The following NIT1 variants were observed in gnomAD, a reference collection of about 807,000 sequenced individuals.
NIT1 encodes deaminated glutathione amidase.
In NIT1, 30 loss-of-function variants were observed where a neutral mutation model predicts 36.8. The observed-to-expected ratio is 0.82, with a 90% CI of 0.61 to 1.11. NIT1 has a LOEUF of 1.11. Ranked by LOEUF, NIT1 falls within the 50% of genes least tolerant of loss-of-function variation. The pLI, the probability that NIT1 is intolerant of heterozygous loss-of-function variation, is 0.00. For synonymous variants in NIT1, 151 were observed against 155.6 expected (o/e 0.97, Z 0.22); for missense variants, 438 against 410.6 (o/e 1.07, Z -0.58).
downstream of NIT1, chr1:161,123,874 T>A: frequency 6.2e-7 from 1 of 1,614,064 alleles, no homozygotes; most frequent in East Asian, 2.2e-5. Context: ...TGGTTCTGGA[T>A]CACTGAGGGC....
Position 161,118,878 on chromosome 1 carries a change from C to T in NIT1, c.95C>T (p.Pro32Leu), listed in dbSNP as rs147305024. Residue 32 changes from proline to leucine, a missense_variant, in exon 2 of 7, where the codon CCC (proline) becomes CTC (leucine). Coordinates refer to ENST00000368009, the MANE Select transcript of NIT1 (RefSeq NM_005600.3). ...CAACTCTCAGTACTTTGTGCTCAGC[C>T]CAGGTAACACGTTTTGTTGTGTCCT... is the stretch of plus-strand genomic sequence containing the variant. ...IPQLSVLCAQPRPRAMAISSS... is the reference protein window; with the variant it reads ...IPQLSVLCAQLRPRAMAISSS... 8.6e-5 allele frequency: 139 copies of T among 1,611,288 alleles called. No homozygotes were observed. The highest frequency in any genetic ancestry group is 1.1e-4 in the Non-Finnish European group (134 of 1,177,624).
Position 161,120,900 on chromosome 1 carries a change from C to T in NIT1, c.*135C>T. ...GAGAACCTTGACTCTCTTGATGGAA[C>T]ACAGATGGGCTGCTTGGGAAAGAAA... is the stretch of plus-strand genomic sequence containing the variant. On this transcript the variant is annotated 3_prime_UTR_variant, in exon 7 of 7. Transcript: ENST00000368009. 2 of 1,439,766 alleles carry T rather than the reference C, an allele frequency of 1.4e-6. No homozygotes were observed. Among genetic ancestry groups the T allele is most frequent in the South Asian group, 1.5e-5 (1 of 67,686 alleles). 89.2% of individuals were successfully genotyped at this position (1,439,766 alleles called of 1,614,324 possible). A position where few individuals can be genotyped will look rare whatever the true frequency, so the allele number is the denominator to read the frequency against.
At chr1:161,124,476 G>A (rs1313481031), downstream of NIT1, 10 of 1,590,386 alleles carry the variant, frequency 6.3e-6, no homozygotes, top group Non-Finnish European at 7.7e-6. Context: ...GGGGGCTCAG[G>A]TACGCAATGC....
In NIT1 at chr1:161,118,107, T is replaced by C; in HGVS notation, c.-70T>C. ...GTCCGGCCTGCGAGTTACCGCCCAC[T>C]CGCTGCGGCGCTTCTGGCTCCAGAC... On this transcript the variant is annotated 5_prime_UTR_variant, in exon 1 of 7. Coordinates refer to ENST00000368009, the MANE Select transcript of NIT1 (RefSeq NM_005600.3). The C allele has an allele frequency of 2.5e-6, 4 of 1,613,338 alleles. No homozygotes were observed. In the Admixed American group the frequency reaches 5.0e-5, roughly 20 times the overall value.
downstream of NIT1, chr1:161,124,245 C>T (rs748771242): frequency 6.2e-6 from 10 of 1,614,094 alleles, no homozygotes; most frequent in African/African-American, 2.7e-5. Context: ...GCGGCCCTGG[C>T]GCTCCAGTGC....
chr1:161,121,952 A>AG (rs1170666977), downstream of NIT1: 1 of 648,680 alleles, frequency 1.5e-6, no homozygotes, highest in African/African-American at 1.8e-5. Context: ...AGGGAAATAA[A>AG]GGGGAAGCCC....
downstream of NIT1, chr1:161,122,618 A>C (rs1367020015): frequency 2.7e-6 from 4 of 1,470,128 alleles, no homozygotes; most frequent in Non-Finnish European, 3.7e-6. This position sits in a 1 kb window ranked among gnomAD's most constrained non-coding sequence, Gnocchi z 4.2. Flanking sequence ...CAGAATAAAA[A>C]AGTAGGGAAT....
chr1:161,124,622 T>A, downstream of NIT1: 4 of 1,375,112 alleles, frequency 2.9e-6, no homozygotes, highest in South Asian at 6.3e-5. Flanking sequence ...CCTGGCACAG[T>A]ATAGTGCTTT....
chr1:161,120,258 A>G (rs777772960), intron 6 of NIT1, 26 bp downstream of exon 6: 8 of 1,612,752 alleles, frequency 5.0e-6, no homozygotes, highest in Admixed American at 1.7e-5. Flanking sequence ...TTTAAAACAT[A>G]AGGGCCTTTT....
chr1:161,121,875 C>A, downstream of NIT1: 1 of 409,998 alleles, frequency 2.4e-6, no homozygotes, highest in Non-Finnish European at 4.4e-6. Flanking sequence ...TTTGCTTCTT[C>A]CTATACATTT....
downstream of NIT1, chr1:161,124,290 C>T (rs748758614): frequency 9.9e-6 from 16 of 1,614,226 alleles, no homozygotes; most frequent in Non-Finnish European, 1.4e-5. Context: ...GATGAGTCCA[C>T]GCTCGTGGTC....
chr1:161,118,608 T>G, intron 1 of NIT1, 178 bp from the exon 2 acceptor site: 1 of 1,534,014 alleles, frequency 6.5e-7, no homozygotes, highest in Non-Finnish European at 8.7e-7. Flanking sequence ...TTTCTCCATC[T>G]TCCCACTGTA....
At position 161,120,680 on chromosome 1, in the gene NIT1, A is replaced by G. The variant is rs1655384751; in HGVS notation, c.899A>G (p.Tyr300Cys). ...TGCCTTGCCCGAATAGACCTCAACT[A>G]TCTGCGACAGTTGCGCCGACACCTG... ...GLCLARIDLN[Y>C]LRQLRRHLPV... Residue 300 changes from tyrosine (Y) to cysteine (C), a missense_variant, in exon 7 of 7, where the codon TAT becomes TGT. By Grantham distance (194) the Tyr-to-Cys change is radical. Transcript: ENST00000368009. The G allele has an allele frequency of 2.5e-6, 4 of 1,613,950 alleles. No individual in the cohort carries two copies. Among genetic ancestry groups the G allele is most frequent in the East Asian group, 2.2e-5 (1 of 44,892 alleles).
At chr1:161,122,799 T>C (rs1225391217), downstream of NIT1, among the ~76,000 whole-genome samples, 3 of 152,202 alleles carry the variant, frequency 2.0e-5, no homozygotes, top group Admixed American at 6.5e-5. The surrounding 1 kb of genome is among the most constrained non-coding windows in gnomAD (Gnocchi z 4.2). Context: ...TTACCAGGCA[T>C]AGAAGTTCAT....
At position 161,120,595 on chromosome 1, in the gene NIT1, A is replaced by G. The variant is rs761383084; in HGVS notation, c.814A>G (p.Ser272Gly). ...TGAGAAGAGAGCAAGTTATGGCCACAGCATGGTGGTAGACCCCTGGGGAAC... is the reference window on the plus strand; with the variant it reads ...TGAGAAGAGAGCAAGTTATGGCCACGGCATGGTGGTAGACCCCTGGGGAAC... ...HHEKRASYGH[S>G]MVVDPWGTVV... Residue 272 changes from serine (S) to glycine (G), a missense_variant, in exon 7 of 7, where the codon AGC becomes GGC. Physicochemically the swap from Ser to Gly is moderately conservative, Grantham distance 56. Coordinates refer to ENST00000368009, the MANE Select transcript of NIT1 (RefSeq NM_005600.3). 2 of 1,614,204 alleles carry G rather than the reference A, an allele frequency of 1.2e-6. No homozygotes were observed. Among genetic ancestry groups the G allele is most frequent in the Non-Finnish European group, 1.7e-6 (2 of 1,180,044 alleles).
rs1203103247 is a variant in NIT1, at chr1:161,119,144, A to G, written c.109A>G (p.Met37Val). 15 of 1,613,646 alleles carry G rather than the reference A, an allele frequency of 9.3e-6. No homozygotes were observed. Among genetic ancestry groups the G allele is most frequent in the East Asian group, 2.2e-5 (1 of 44,902 alleles). ...VLCAQPRPRAMAISSSSCELP... is the reference protein window; with the variant it reads ...VLCAQPRPRAVAISSSSCELP... The stretch of plus-strand genomic sequence containing the variant: ...CTATGCTGTTCACAGGCCCAGAGCC[A>G]TGGCTATCTCCTCTTCCTCCTGCGA... Residue 37 changes from methionine (M) to valine (V), a missense_variant, in exon 3 of 7, where the codon ATG becomes GTG. Met to Val is a conservative substitution (Grantham distance 21, BLOSUM62 1). Transcript: ENST00000368009.
At chr1:161,123,456 G>A (rs540819213), downstream of NIT1, among the ~76,000 whole-genome samples, 3 of 152,174 alleles carry the variant, frequency 2.0e-5, no homozygotes, top group East Asian at 5.8e-4. Context: ...TGGCTAACAC[G>A]GTGAAACCCC....
At position 161,121,033 on chromosome 1, in the gene NIT1, G is replaced by A; in HGVS notation, c.*268G>A. 7.5e-7 allele frequency: 1 copy of A among 1,332,064 alleles called. No homozygotes were observed. Among genetic ancestry groups the A allele is most frequent in the Non-Finnish European group, 9.6e-7 (1 of 1,039,438 alleles). The allele number at this position is 1,332,064 out of a possible 1,614,324, so 82.5% of individuals were successfully genotyped here. On this transcript the variant is annotated 3_prime_UTR_variant, in exon 7 of 7. Coordinates refer to ENST00000368009, the MANE Select transcript of NIT1 (RefSeq NM_005600.3). Reference sequence around the variant, plus strand: ...CTGAAGTTCTGCTGAGGGCTGAGCAGCACTGGCATTGAAAAATATAATAAT... The same window carrying A: ...CTGAAGTTCTGCTGAGGGCTGAGCAACACTGGCATTGAAAAATATAATAAT...
downstream of NIT1, chr1:161,124,669 A>T: frequency 8.8e-7 from 1 of 1,140,134 alleles, no homozygotes; most frequent in Non-Finnish European, 1.2e-6. Context: ...GTTTGTTTAA[A>T]AATAAACACT....
Sources: gnomAD v4.1 joint callset for allele counts (sites outside exome capture counted in the v4.1 genomes callset) on GRCh38, gnomAD v4.1.1 for gene constraint, Gnocchi (gnomAD v3.1) non-coding constraint, MANE v1.5 for transcripts, NCBI Gene and HGNC (gene_info 2026-07-23, HGNC 2026-07-21) for gene names.